Variants in CBX1 observed in about 807,000 individuals in gnomAD.
The protein encoded by CBX1 is chromobox 1.
Under a neutral mutation model 25.1 loss-of-function variants are expected in CBX1, and 10 were observed. The ratio of observed to expected loss-of-function variants is 0.40; its 90% CI spans 0.25 to 0.68. The LOEUF is 0.68. Ranked by LOEUF, CBX1 falls within the 30% of genes least tolerant of loss-of-function variation. The probability of loss-of-function intolerance (pLI) is 0.40; values close to 1 mark genes in which losing one functional copy is unlikely to be tolerated. For synonymous variants in CBX1, 63 were observed against 79.4 expected (o/e 0.79, Z 1.10); for missense variants, 106 against 218.5 (o/e 0.49, Z 3.25).
chr17:48,076,538 G>A (rs1009602990), intron 2 of CBX1, among the ~76,000 whole-genome samples: 1 of 152,158 alleles, frequency 6.6e-6, no homozygotes, highest in Non-Finnish European at 1.5e-5. Flanking sequence ...AGACATGGTG[G>A]TGCATGCCTG....
chr17:48,076,799 C>T (rs1272039982), intron 2 of CBX1, 66 bp downstream of exon 2: 4 of 1,463,266 alleles, frequency 2.7e-6, no homozygotes, highest in Non-Finnish European at 2.8e-6. Flanking sequence ...CACTGGAGGT[C>T]TCATACATCT....
chr17:48,091,143 G>T (rs1015148364), intron 1 of CBX1, among the ~76,000 whole-genome samples: 31 of 152,350 alleles, frequency 2.0e-4, no homozygotes, highest in African/African-American at 7.0e-4. Flanking sequence ...AGGTGAGAAT[G>T]AGCTTGCTTT....
intron 1 of CBX1, among the ~76,000 whole-genome samples, chr17:48,082,215 TAA>T (rs1319306946): frequency 6.6e-6 from 1 of 150,900 alleles, no homozygotes. Flanking sequence ...AAAAAAATGA[TAA>T]AGAGGCTGGG....
At chr17:48,095,432 AT>A (rs1239551451) in intron 1 of CBX1, among the ~76,000 whole-genome samples, 1 of 151,970 alleles carries the variant, frequency 6.6e-6, no homozygotes, top group East Asian at 1.9e-4. Context: ...TCTACTAAAA[AT>A]GCAAAATTAG....
intron 1 of CBX1, among the ~76,000 whole-genome samples, chr17:48,097,012 G>A (rs1282587606): frequency 1.3e-5 from 2 of 151,600 alleles, no homozygotes; most frequent in Admixed American, 1.3e-4. Flanking sequence ...GCACTTTGGA[G>A]GCCAAGGAGG....
intron 1 of CBX1, among the ~76,000 whole-genome samples, chr17:48,081,904 G>GT (rs1253916597): frequency 2.0e-5 from 3 of 152,190 alleles, no homozygotes; most frequent in Admixed American, 2.0e-4. Context: ...TTCCCAACGT[G>GT]TTTTTTTGTT....
chr17:48,098,230 A>G (rs1283107736), intron 1 of CBX1, among the ~76,000 whole-genome samples: 1 of 149,876 alleles, frequency 6.7e-6, no homozygotes, highest in Non-Finnish European at 1.5e-5. Flanking sequence ...CAGCCTGGCA[A>G]CAGAGCGACA....
chr17:48,100,786 C>T, intron 1 of CBX1: 1 of 985,550 alleles, frequency 1.0e-6, no homozygotes, highest in South Asian at 4.7e-5. Flanking sequence ...TTCCAATTCA[C>T]TCGACGTTAC....
At chr17:48,075,965 T>C (rs1035498809) in intron 3 of CBX1, 36 bp downstream of exon 3, 4 of 1,470,118 alleles carry the variant, frequency 2.7e-6, no homozygotes, top group Non-Finnish European at 3.7e-6. Flanking sequence ...GTAGTTTGAA[T>C]TGTGGGCTAG....
intron 4 of CBX1, among the ~76,000 whole-genome samples, chr17:48,073,644 T>C (rs2037646780): frequency 2.0e-5 from 3 of 152,054 alleles, no homozygotes; most frequent in South Asian, 4.2e-4. Flanking sequence ...CTGGCCAACA[T>C]GGTGAAACCC....
intron 1 of CBX1, among the ~76,000 whole-genome samples, chr17:48,082,231 G>T (rs1174239026): frequency 6.6e-6 from 1 of 151,784 alleles, no homozygotes; most frequent in Non-Finnish European, 1.5e-5. Flanking sequence ...GGCTGGGCGT[G>T]GTGGCTCACA....
intron 1 of CBX1, among the ~76,000 whole-genome samples, chr17:48,091,409 T>C (rs1347330624): frequency 6.6e-6 from 1 of 152,104 alleles, no homozygotes; most frequent in Non-Finnish European, 1.5e-5. Flanking sequence ...ATTTTACTCT[T>C]GTTGCCCAGG....
rs1273670203 is a variant in CBX1, at chr17:48,075,995, T to G, written c.318+6A>C. On this transcript the variant is annotated splice_donor_region_variant and intron_variant, in intron 3 of 4. Transcript: ENST00000225603. Reference sequence around the variant, plus strand: ...GGCTAGTAAAAATTCTTACTTCTATTCTTACCTCTTCTTTCTTCTTCTTTG... The same window carrying G: ...GGCTAGTAAAAATTCTTACTTCTATGCTTACCTCTTCTTTCTTCTTCTTTG... The G allele has an allele frequency of 3.8e-6, 6 of 1,581,668 alleles. No individual in the cohort carries two copies. Among genetic ancestry groups the G allele is most frequent in the Non-Finnish European group, 2.6e-6 (3 of 1,157,700 alleles).
chr17:48,073,821 T>G (rs2037648694), intron 4 of CBX1, among the ~76,000 whole-genome samples: 2 of 40,676 alleles, frequency 4.9e-5, no homozygotes, highest in African/African-American at 1.7e-4. Flanking sequence ...AGTGAGACTG[T>G]CTCAAAAAAA....
intron 1 of CBX1, chr17:48,100,980 C>T: frequency 1.0e-6 from 1 of 986,134 alleles, no homozygotes; most frequent in Non-Finnish European, 1.2e-6. Flanking sequence ...TGTTCCAGAC[C>T]ACCCGGGCCC....
intron 1 of CBX1, among the ~76,000 whole-genome samples, chr17:48,078,787 CTTTTTTTTTTTT>C (rs1184844619): frequency 1.3e-5 from 1 of 76,258 alleles, no homozygotes; most frequent in African/African-American, 6.7e-5. Flanking sequence ...CGTGCCTGGA[CTTTTTTTTTTTT>C]TTTTTTTTTT....
intron 1 of CBX1, chr17:48,095,838 G>A (rs1311216301): frequency 6.6e-6 from 1 of 152,164 alleles, no homozygotes; most frequent in African/African-American, 2.4e-5. Flanking sequence ...TGGAAAACTT[G>A]ACTAAGCAGA....
intron 1 of CBX1, among the ~76,000 whole-genome samples, chr17:48,078,669 TAGA>T (rs1223031399): frequency 6.6e-6 from 1 of 151,904 alleles, no homozygotes; most frequent in African/African-American, 2.4e-5. Context: ...TCTATATTTT[TAGA>T]AGAGACGGGG....
intron 1 of CBX1, among the ~76,000 whole-genome samples, chr17:48,079,568 A>T (rs2037711907): frequency 6.6e-6 from 1 of 151,952 alleles, no homozygotes. Context: ...ATTATGGCTC[A>T]TTGCAGCTTT....
Sources: gnomAD v4.1 joint callset for allele counts (sites outside exome capture counted in the v4.1 genomes callset) on GRCh38, gnomAD v4.1.1 for gene constraint, MANE v1.5 for transcripts, NCBI Gene and HGNC (gene_info 2026-07-23, HGNC 2026-07-21) for gene names.